SGCG: variants seen among roughly 807,000 people sequenced by gnomAD.
The protein encoded by SGCG is sarcoglycan gamma.
A neutral mutation model predicts 29.3 loss-of-function variants in SGCG; 26 were observed. The ratio of observed to expected loss-of-function variants is 0.89; its 90% CI spans 0.65 to 1.23. The LOEUF is 1.23. Ranked by LOEUF, SGCG falls within the 50% of genes most tolerant of loss-of-function variation. The pLI is 0.00. For synonymous variants in SGCG, 145 were observed against 129.7 expected (o/e 1.12, Z -0.80); for missense variants, 353 against 356.0 (o/e 0.99, Z 0.07).
chr13:23,253,314 T>C (rs1029091163), intron 4 of SGCG, among the ~76,000 whole-genome samples: 10 of 152,198 alleles, frequency 6.6e-5, no homozygotes, highest in African/African-American at 2.4e-4. Context: ...CAATCTCTAG[T>C]TTTAACCTTG....
chr13:23,180,270 G>C (rs1174279099), upstream of SGCG, among the ~76,000 whole-genome samples: 2 of 152,120 alleles, frequency 1.3e-5, no homozygotes, highest in Non-Finnish European at 2.9e-5. Flanking sequence ...AAAATGGAAT[G>C]ACCTAATTAC....
chr13:23,218,291 C>T (rs1878508581), intron 2 of SGCG, among the ~76,000 whole-genome samples: 1 of 152,130 alleles, frequency 6.6e-6, no homozygotes, highest in Non-Finnish European at 1.5e-5. Context: ...AAAAATCACA[C>T]ATCATACTGG....
At chr13:23,239,858 A>G (rs1389196891) in intron 3 of SGCG, among the ~76,000 whole-genome samples, 3 of 152,196 alleles carry the variant, frequency 2.0e-5, no homozygotes, top group Non-Finnish European at 4.4e-5. Context: ...ATAAAAATGA[A>G]ATGATAAATA....
chr13:23,222,687 C>T (rs1025200241), intron 2 of SGCG, among the ~76,000 whole-genome samples: 25 of 151,658 alleles, frequency 1.6e-4, no homozygotes, highest in South Asian at 6.3e-4. Context: ...ATTAGCCAGG[C>T]GTAGATGGCG....
rs1000476439 is a variant in SGCG at position 23,233,559 on chromosome 13, G to A, written c.196-1052G>A. Among the ~76,000 whole-genome samples the A allele has an allele frequency of 5.9e-5, 9 of 152,164 alleles. No individual in the cohort carries two copies. The East Asian group carries it at 1.5e-3, about 26-fold the overall frequency. On this transcript the variant is annotated intron_variant, in intron 2 of 7. Transcript: ENST00000218867. ...GGGAGTTAGTTGTTTAATGGGTATA[G>A]TGTTTAATTGTGCAAGATGAAAGCA...
At chr13:23,290,741 A>G (rs1253369392) in intron 5 of SGCG, among the ~76,000 whole-genome samples, 1 of 152,226 alleles carries the variant, frequency 6.6e-6, no homozygotes, top group African/African-American at 2.4e-5. Context: ...ATGAATCTTA[A>G]CAAATAGTTA....
intron 3 of SGCG, among the ~76,000 whole-genome samples, chr13:23,249,769 AC>A (rs1396821185): frequency 1.3e-5 from 2 of 152,214 alleles, no homozygotes; most frequent in Non-Finnish European, 2.9e-5. Flanking sequence ...ATTCATATAG[AC>A]AAAAATTAAT....
intron 4 of SGCG, among the ~76,000 whole-genome samples, chr13:23,253,726 G>A (rs1245158979): frequency 6.6e-6 from 1 of 152,190 alleles, no homozygotes; most frequent in Admixed American, 6.5e-5. Flanking sequence ...GGAAGGTGGG[G>A]CCTAATGGAT....
chr13:23,194,523 T>C (rs985860100), intron 1 of SGCG, among the ~76,000 whole-genome samples: 2 of 152,238 alleles, frequency 1.3e-5, no homozygotes, highest in African/African-American at 4.8e-5. Context: ...ATTTCTTCTC[T>C]GGCAAGCTCT....
At chr13:23,232,173 G>A (rs1566009965) in intron 2 of SGCG, among the ~76,000 whole-genome samples, 4 of 151,562 alleles carry the variant, frequency 2.6e-5, no homozygotes, top group Non-Finnish European at 4.4e-5. Context: ...GGAGGTAGCT[G>A]CACCTAGCAG....
chr13:23,324,687 A>ATTC lies in SGCG; in HGVS notation c.*146_*147insTTC, dbSNP rs539058397. ...ACTCAGAAAAAATTATGTGCCAGTGAAAGTGTTTGGACAAAAACTACATGA... is the reference window on the plus strand; with the variant it reads ...ACTCAGAAAAAATTATGTGCCAGTGATTCAAGTGTTTGGACAAAAACTACATGA... On this transcript the variant is annotated 3_prime_UTR_variant, in exon 8 of 8. Transcript: ENST00000218867. 243 of 729,782 alleles carry ATTC rather than the reference A, an allele frequency of 3.3e-4. 1 individual carries two copies. Among genetic ancestry groups the ATTC allele is most frequent in the South Asian group, 1.9e-3 (128 of 66,372 alleles). 45.2% of individuals were successfully genotyped at this position (729,782 alleles called of 1,614,324 possible). A position where few individuals can be genotyped will look rare whatever the true frequency, so the allele number is the denominator to read the frequency against.
At chr13:23,210,384 A>G (rs1409662677) in intron 2 of SGCG, among the ~76,000 whole-genome samples, 2 of 152,088 alleles carry the variant, frequency 1.3e-5, no homozygotes, top group Non-Finnish European at 2.9e-5. Context: ...TTTGTGACTT[A>G]CCATTTAGTA....
chr13:23,272,683 G>A (rs992086068), intron 4 of SGCG, among the ~76,000 whole-genome samples: 17 of 152,108 alleles, frequency 1.1e-4, no homozygotes, highest in African/African-American at 3.6e-4. Context: ...AATTTACAGA[G>A]CATTGTGACT....
At chr13:23,323,650 A>G (rs1389975770) in intron 7 of SGCG, among the ~76,000 whole-genome samples, 4 of 152,346 alleles carry the variant, frequency 2.6e-5, no homozygotes, top group African/African-American at 9.6e-5. Flanking sequence ...CTAAATTATC[A>G]TATGACCAGA....
chr13:23,209,964 AAAAC>A (rs1174802698), intron 2 of SGCG, among the ~76,000 whole-genome samples: 15 of 152,242 alleles, frequency 9.9e-5, no homozygotes, highest in Non-Finnish European at 1.5e-5. Context: ...GATATTGACA[AAAAC>A]AAAGCAAAGA....
Position 23,324,861 on chromosome 13 carries a change from T to C in SGCG, c.*320T>C, listed in dbSNP as rs1462318634. On this transcript the variant is annotated 3_prime_UTR_variant, in exon 8 of 8. Transcript: ENST00000218867. ...TGTCCGTGTGGGCACACACTGAGTG[T>C]TGAGTTGCCGTGTGGAGTTAATGTA... The C allele has an allele frequency of 5.2e-6, 2 of 383,358 alleles. No homozygotes were observed. Among genetic ancestry groups the C allele is most frequent in the African/African-American group, 4.2e-5 (2 of 47,900 alleles). The allele number at this position is 383,358 out of a possible 1,614,324, so 23.7% of individuals were successfully genotyped here.
Position 23,324,414 on chromosome 13 carries a change from G to A in SGCG, c.749G>A (p.Gly250Glu), listed in dbSNP as rs906499060. 1.2e-6 allele frequency: 2 copies of A among 1,614,058 alleles called. No homozygotes were observed. Among genetic ancestry groups the A allele is most frequent in the Non-Finnish European group, 1.7e-6 (2 of 1,180,044 alleles). Residue 250 changes from glycine (G) to glutamate (E), a missense_variant, in exon 8 of 8, where the codon GGG (glycine) becomes GAG (glutamate). Coordinates refer to ENST00000218867, the MANE Select transcript of SGCG (RefSeq NM_000231.3). ...ETVCLPKLVQ[G>E]TWGPSGSSQS... is the part of the protein sequence containing the mutation. The stretch of plus-strand genomic sequence containing the variant: ...GTGTGCTTACCCAAGCTGGTGCAGG[G>A]GACGTGGGGTCCCTCTGGCAGCTCA...
intron 1 of SGCG, among the ~76,000 whole-genome samples, chr13:23,192,588 G>T (rs1023070280): frequency 1.3e-4 from 19 of 151,982 alleles, no homozygotes; most frequent in Non-Finnish European, 4.4e-5. Context: ...TAGAGACGGG[G>T]TTTCACCATG....
chr13:23,298,552 A>T, intron 6 of SGCG, among the ~76,000 whole-genome samples: 1 of 152,328 alleles, frequency 6.6e-6, no homozygotes, highest in East Asian at 1.9e-4. Context: ...TAATTAAATT[A>T]TAACAAGGTT....
Sources: gnomAD v4.1 joint callset for allele counts (sites outside exome capture counted in the v4.1 genomes callset) on GRCh38, gnomAD v4.1.1 for gene constraint, MANE v1.5 for transcripts, NCBI Gene and HGNC (gene_info 2026-07-23, HGNC 2026-07-21) for gene names.